The following PTPRN2 variants were observed in gnomAD, a reference collection of about 807,000 sequenced individuals.
PTPRN2 encodes the protein receptor-type tyrosine-protein phosphatase N2.
Under a neutral mutation model 118.8 loss-of-function variants are expected in PTPRN2, and 74 were observed. The ratio of observed to expected loss-of-function variants is 0.62; its 90% CI spans 0.52 to 0.76. The LOEUF (loss-of-function observed/expected upper bound fraction) is 0.76, where lower values mean the gene tolerates loss of function less well. Ranked by LOEUF, PTPRN2 falls within the 30% of genes least tolerant of loss-of-function variation. The pLI, the probability that PTPRN2 is intolerant of heterozygous loss-of-function variation, is 0.00. For missense variants in PTPRN2, 1,481 were observed against 1,394.4 expected, an observed-to-expected ratio of 1.06 and a Z score of -0.99; for synonymous variants, 641 against 608.0, an observed-to-expected ratio of 1.05 and a Z score of -0.80.
chr7:158,249,696 G>T (rs1796538794), intron 3 of PTPRN2, among the ~76,000 whole-genome samples: 1 of 152,342 alleles, frequency 6.6e-6, no homozygotes, highest in East Asian at 1.9e-4. Flanking sequence ...GGTCAGTGAG[G>T]CTTTAGGACC....
intron 3 of PTPRN2, among the ~76,000 whole-genome samples, chr7:158,299,614 G>C (rs1426525589): frequency 6.6e-6 from 1 of 152,074 alleles, no homozygotes; most frequent in Admixed American, 6.5e-5. Context: ...ATTTTTTTTA[G>C]CTCATTAACA....
intron 6 of PTPRN2, among the ~76,000 whole-genome samples, chr7:158,149,699 G>C (rs1434578780): frequency 6.6e-6 from 1 of 152,006 alleles, no homozygotes; most frequent in African/African-American, 2.4e-5. Flanking sequence ...AGCTACTCAG[G>C]AGGCTAAGGC....
At position 158,136,664 on chromosome 7, in the gene PTPRN2, A is replaced by C. The variant is rs1199992336; in HGVS notation, c.1164T>G (p.Leu388=). Residue 388 remains leucine, a synonymous_variant, in exon 8 of 23, where the codon CTT becomes CTG. Transcript: ENST00000389418. ...DDGVQDDDDR[L]YQEVHRLSAT... ...AGAGACGTCATCTTACCTCTTGGTAAAGTCTATCATCGTCGTCCTGCACTC... is the reference window on the plus strand; with the variant it reads ...AGAGACGTCATCTTACCTCTTGGTACAGTCTATCATCGTCGTCCTGCACTC... 1 of 1,613,664 alleles carries C rather than the reference A, an allele frequency of 6.2e-7. No homozygotes were observed. Among genetic ancestry groups the C allele is most frequent in the Non-Finnish European group, 8.5e-7 (1 of 1,179,696 alleles).
intron 10 of PTPRN2, among the ~76,000 whole-genome samples, chr7:158,088,102 A>G (rs111583270): frequency 1.7e-5 from 1 of 58,968 alleles, no homozygotes; most frequent in African/African-American, 3.5e-5. Context: ...GGGAGTCTTC[A>G]CACAAACCTT....
At chr7:157,704,283 C>G (rs1328693395) in intron 12 of PTPRN2, among the ~76,000 whole-genome samples, 1 of 152,134 alleles carries the variant, frequency 6.6e-6, no homozygotes, top group Non-Finnish European at 1.5e-5. Context: ...CTGTAAGGTG[C>G]TCAGGACAGG....
chr7:157,930,508 G>A (rs941253601), intron 11 of PTPRN2, among the ~76,000 whole-genome samples: 10 of 152,222 alleles, frequency 6.6e-5, no homozygotes, highest in African/African-American at 2.4e-4. Flanking sequence ...CCTGTGTGAA[G>A]CTCAGGGGGT....
Position 157,584,142 on chromosome 7 carries a change from CAA to C in PTPRN2, c.2497-6004_2497-6003del, listed in dbSNP as rs1171396192. 3.9e-5 allele frequency among the ~76,000 whole-genome samples: 6 copies of C among 152,214 alleles called. No homozygotes were observed. The East Asian group carries it at 1.2e-3, about 29-fold the overall frequency. Reference sequence around the variant, plus strand: ...ATAGTGAGATCCCATCTCTGAAAAACAAAACAAAAAACTGAAATAGTGAAACG... The same window carrying C: ...ATAGTGAGATCCCATCTCTGAAAAACAACAAAAAACTGAAATAGTGAAACG... On this transcript the variant is annotated intron_variant, in intron 17 of 22. Coordinates refer to ENST00000389418, the MANE Select transcript of PTPRN2 (RefSeq NM_002847.5).
At chr7:157,853,060 C>T (rs1184115685) in intron 12 of PTPRN2, among the ~76,000 whole-genome samples, 5 of 152,042 alleles carry the variant, frequency 3.3e-5, no homozygotes, top group African/African-American at 9.7e-5. Context: ...TCTCTGGGGC[C>T]GTCCTCTCTC....
chr7:157,767,750 G>A (rs1802570749), intron 12 of PTPRN2, among the ~76,000 whole-genome samples: 1 of 151,986 alleles, frequency 6.6e-6, no homozygotes, highest in Admixed American at 6.6e-5. Flanking sequence ...GTGTGGAGGC[G>A]GTGGGAACCA....
chr7:157,952,189 G>A (rs1490386763), intron 11 of PTPRN2, among the ~76,000 whole-genome samples: 1 of 152,180 alleles, frequency 6.6e-6, no homozygotes, highest in Non-Finnish European at 1.5e-5. Context: ...GCCCCCCAGA[G>A]CCCCCCACAG....
At chr7:158,387,883 T>A (rs1811620849) in intron 2 of PTPRN2, among the ~76,000 whole-genome samples, 1 of 152,162 alleles carries the variant, frequency 6.6e-6, no homozygotes, top group African/African-American at 2.4e-5. Context: ...GCCCTGCAGA[T>A]GTCAGACCCG....
chr7:158,201,639 C>T (rs1826655712), intron 4 of PTPRN2, among the ~76,000 whole-genome samples: 1 of 152,178 alleles, frequency 6.6e-6, no homozygotes, highest in South Asian at 2.1e-4. Flanking sequence ...CATCTTACAA[C>T]CTGCTTTCTC....
rs147713035 is a variant in PTPRN2, at chr7:158,309,555, T to C, written c.277+7264A>G. On this transcript the variant is annotated intron_variant, in intron 3 of 22. Coordinates refer to ENST00000389418, the MANE Select transcript of PTPRN2 (RefSeq NM_002847.5). ...TGTCCTTCTAGAGAACCCTGACTAA[T>C]GCATTTGACAAGTTATGTATTACTA... 6.5e-4 allele frequency among the ~76,000 whole-genome samples: 99 copies of C among 152,288 alleles called. 1 individual carries two copies. Among genetic ancestry groups the C allele is most frequent in the African/African-American group, 2.2e-3 (92 of 41,562 alleles).
rs1168027900 is a variant in PTPRN2 at position 157,764,841 on chromosome 7, T to TCATC, written c.1789-81908_1789-81905dup. Among the ~76,000 whole-genome samples the TCATC allele has an allele frequency of 1.3e-5, 2 of 151,972 alleles. No individual in the cohort carries two copies. The highest frequency in any genetic ancestry group is 2.9e-5 in the Non-Finnish European group (2 of 67,982). ...GCTGGGAAATGATCCATCCTGCCAT[T>TCATC]CATCCATCCATCCATCAAGCACTCA... On this transcript the variant is annotated intron_variant, in intron 12 of 22. Transcript: ENST00000389418. This position sits in a 1 kb window ranked among gnomAD's most constrained non-coding sequence, Gnocchi z 4.5.
At chr7:158,058,957 C>G (rs550437477) in intron 11 of PTPRN2, among the ~76,000 whole-genome samples, 806 of 70,934 alleles carry the variant, frequency 0.011, 23 homozygotes, top group Non-Finnish European at 0.016. Flanking sequence ...CACACGGTGA[C>G]ACATCACTGC....
chr7:158,059,290 C>G (rs1287401659), intron 11 of PTPRN2, among the ~76,000 whole-genome samples: 18 of 135,308 alleles, frequency 1.3e-4, no homozygotes, highest in Non-Finnish European at 2.4e-4. Context: ...CACACAGTGA[C>G]ACATCACTGC....
intron 2 of PTPRN2, among the ~76,000 whole-genome samples, chr7:158,439,628 C>T (rs1210374477): frequency 6.6e-6 from 1 of 152,172 alleles, no homozygotes; most frequent in Non-Finnish European, 1.5e-5. Context: ...AAGTTCATGA[C>T]CATCTCTAAT....
Position 158,152,017 on chromosome 7 carries a change from CA to C in PTPRN2, c.911-13503del, listed in dbSNP as rs1397244327. ...TGAAACCCCGTCTCTACTAAAAATACAAAAAAATTAGCCGGGCGTGGTGGCA... is the reference window on the plus strand; with the variant it reads ...TGAAACCCCGTCTCTACTAAAAATACAAAAAATTAGCCGGGCGTGGTGGCA... On this transcript the variant is annotated intron_variant, in intron 6 of 22. Coordinates refer to ENST00000389418, the MANE Select transcript of PTPRN2 (RefSeq NM_002847.5). Among the ~76,000 whole-genome samples the C allele has an allele frequency of 7.2e-5, 11 of 151,848 alleles. No individual in the cohort carries two copies. In the East Asian group the frequency reaches 1.9e-3, roughly 27 times the overall value.
At chr7:157,872,657 G>T (rs572757645) in intron 12 of PTPRN2, among the ~76,000 whole-genome samples, 2 of 152,262 alleles carry the variant, frequency 1.3e-5, no homozygotes, top group Non-Finnish European at 2.9e-5. Context: ...ACTGAGAGGC[G>T]CTCTTGCGCC....
Sources: gnomAD v4.1 joint callset for allele counts (sites outside exome capture counted in the v4.1 genomes callset) on GRCh38, gnomAD v4.1.1 for gene constraint, Gnocchi (gnomAD v3.1) non-coding constraint, MANE v1.5 for transcripts, NCBI Gene and HGNC (gene_info 2026-07-23, HGNC 2026-07-21) for gene names.